Variants in FRMD6 observed in about 807,000 individuals in gnomAD.
The protein encoded by FRMD6 is FERM domain containing 6, also known as FERM domain-containing protein 6.
A neutral mutation model predicts 73.2 loss-of-function variants in FRMD6; 37 were observed. The observed-to-expected ratio is 0.51, with a 90% CI of 0.39 to 0.66. The LOEUF is 0.66. FRMD6 is among the 30% of genes least tolerant of loss of function. The pLI is 0.00. For synonymous variants in FRMD6, 273 were observed against 282.2 expected (o/e 0.97, Z 0.33); for missense variants, 714 against 780.5 (o/e 0.91, Z 1.02).
intron 1 of FRMD6, among the ~76,000 whole-genome samples, chr14:51,679,458 G>A (rs1894643426): frequency 6.6e-6 from 1 of 150,722 alleles, no homozygotes; most frequent in African/African-American, 2.4e-5. Flanking sequence ...CAACCTTTCA[G>A]TCATTGAGGA....
chr14:51,420,474 G>A, the FRMD6 span, among the ~76,000 whole-genome samples: 1 of 152,250 alleles, frequency 6.6e-6, no homozygotes, highest in East Asian at 1.9e-4. Context: ...ATGCTTATTG[G>A]GCTTATAGTT....
intron 1 of FRMD6, among the ~76,000 whole-genome samples, chr14:51,666,982 A>G (rs1893645898): frequency 6.6e-6 from 1 of 152,104 alleles, no homozygotes; most frequent in African/African-American, 2.4e-5. Context: ...AAAAAATACA[A>G]AAGTTAATTG....
chr14:51,694,219 G>A (rs971985237), intron 2 of FRMD6, among the ~76,000 whole-genome samples: 8 of 152,110 alleles, frequency 5.3e-5, no homozygotes, highest in African/African-American at 1.9e-4. Context: ...GGACAATTTT[G>A]GAAGTAAAAC....
At chr14:51,698,376 G>T in intron 3 of FRMD6, 144 bp downstream of exon 3, 1 of 443,288 alleles carries the variant, frequency 2.3e-6, no homozygotes, top group Non-Finnish European at 4.0e-6. Flanking sequence ...TTTAGTGTAG[G>T]TGTAGTATTT....
chr14:51,670,401 A>G (rs1430848351), intron 1 of FRMD6, among the ~76,000 whole-genome samples: 2 of 152,192 alleles, frequency 1.3e-5, no homozygotes, highest in African/African-American at 2.4e-5. Context: ...AGAAGTTGCA[A>G]AAATAGTGTA....
rs532440791 is a variant in FRMD6, at chr14:51,543,786, G to A, written c.-209-26562G>A. The stretch of plus-strand genomic sequence containing the variant: ...CAAAAGAATTATTTTGGGCAAGGGA[G>A]TTCCATGAACTCATTTAATTTTTTT... On this transcript the variant is annotated intron_variant, in intron 1 of 14. Coordinates refer to the FRMD6 transcript ENST00000356218. Among the ~76,000 whole-genome samples the A allele has an allele frequency of 2.6e-5, 4 of 152,138 alleles. No homozygotes were observed. In the South Asian group the frequency reaches 8.3e-4, roughly 32 times the overall value.
the FRMD6 span, among the ~76,000 whole-genome samples, chr14:51,402,631 T>G: frequency 8.0e-6 from 1 of 125,772 alleles, no homozygotes; most frequent in African/African-American, 3.1e-5. Context: ...GGTATATCTT[T>G]TTTTCTTTTC....
the FRMD6 span, among the ~76,000 whole-genome samples, chr14:51,441,429 A>G: frequency 6.6e-6 from 1 of 152,206 alleles, no homozygotes. Context: ...TTAGCATCCA[A>G]TCCTCAGAAA....
At chr14:51,417,276 T>C in the FRMD6 span, among the ~76,000 whole-genome samples, 1 of 152,238 alleles carries the variant, frequency 6.6e-6, no homozygotes, top group East Asian at 1.9e-4. Flanking sequence ...GGCATGTTTT[T>C]GCAGTGGCTG....
chr14:51,628,962 C>T (rs868181749), intron 2 of FRMD6, among the ~76,000 whole-genome samples: 1 of 147,954 alleles, frequency 6.8e-6, no homozygotes, highest in Non-Finnish European at 1.5e-5. Context: ...CTGCAAGCTC[C>T]GCCTCCCGGG....
chr14:51,462,989 C>A, the FRMD6 span, among the ~76,000 whole-genome samples: 1 of 152,136 alleles, frequency 6.6e-6, no homozygotes, highest in South Asian at 2.1e-4. Flanking sequence ...TACTAACCAC[C>A]CTTGCTAGAT....
chr14:51,433,177 A>G, the FRMD6 span, among the ~76,000 whole-genome samples: 1 of 152,326 alleles, frequency 6.6e-6, no homozygotes, highest in Non-Finnish European at 1.5e-5. Flanking sequence ...TGACTCAGAA[A>G]TCTCATTTTA....
chr14:51,405,589 T>C, the FRMD6 span, among the ~76,000 whole-genome samples: 1 of 152,138 alleles, frequency 6.6e-6, no homozygotes, highest in African/African-American at 2.4e-5. Flanking sequence ...TTTTTTCAAA[T>C]GTTTGTTTAC....
the FRMD6 span, among the ~76,000 whole-genome samples, chr14:51,411,326 A>C: frequency 6.6e-6 from 1 of 152,270 alleles, no homozygotes; most frequent in Non-Finnish European, 1.5e-5. Context: ...TAACGAACCA[A>C]ATTTAGGGGA....
Position 51,660,613 on chromosome 14 carries a change from GAA to G in FRMD6, c.-147+8634_-147+8635del, listed in dbSNP as rs10605746. On this transcript the variant is annotated intron_variant, in intron 1 of 13. Transcript: ENST00000344768. ...AGAGATGTCAGTGAATAAAATAAAGGAAAAAAAAAAAAAAAAAATTCTGCCTT... is the reference window on the plus strand; with the variant it reads ...AGAGATGTCAGTGAATAAAATAAAGGAAAAAAAAAAAAAAAATTCTGCCTT... Among the ~76,000 whole-genome samples, 190 of 139,554 alleles carry G rather than the reference GAA, an allele frequency of 1.4e-3. 1 individual carries two copies. Among genetic ancestry groups the G allele is most frequent in the Middle Eastern group, 3.8e-3 (1 of 264 alleles). 91.6% of individuals were successfully genotyped at this position (139,554 alleles called of 152,430 possible). A position where few individuals can be genotyped will look rare whatever the true frequency, so the allele number is the denominator to read the frequency against.
chr14:51,421,055 C>T, the FRMD6 span, among the ~76,000 whole-genome samples: 8 of 152,124 alleles, frequency 5.3e-5, no homozygotes, highest in South Asian at 2.1e-4. Flanking sequence ...GGATTACAGA[C>T]GTGAGCCACT....
intron 2 of FRMD6, among the ~76,000 whole-genome samples, chr14:51,633,106 A>G (rs1412324477): frequency 2.0e-5 from 3 of 152,194 alleles, no homozygotes; most frequent in South Asian, 2.1e-4. Context: ...GCAAATGTTA[A>G]TAACTGTTCA....
intron 2 of FRMD6, among the ~76,000 whole-genome samples, chr14:51,577,613 A>G (rs10141566): frequency 0.27 from 41,519 of 152,072 alleles, 6,068 homozygotes; most frequent in African/African-American, 0.36. Flanking sequence ...TTAAAGTACT[A>G]TGACAGTACC....
At chr14:51,525,235 G>A (rs1885183650) in intron 1 of FRMD6, among the ~76,000 whole-genome samples, 1 of 151,750 alleles carries the variant, frequency 6.6e-6, no homozygotes, top group Non-Finnish European at 1.5e-5. Context: ...GCTCAGACTT[G>A]TTTTTTAAAG....
Sources: allele counts gnomAD v4.1 joint callset (sites outside exome capture counted in the v4.1 genomes callset), GRCh38; gene constraint gnomAD v4.1.1; transcripts MANE v1.5; gene names NCBI Gene and HGNC (gene_info 2026-07-23, HGNC 2026-07-21).